PREX1: variants seen among roughly 807,000 people sequenced by gnomAD.
PREX1 encodes the protein phosphatidylinositol 3,4,5-trisphosphate-dependent Rac exchanger 1 protein.
A neutral mutation model predicts 198.3 loss-of-function variants in PREX1; 41 were observed. That is an observed-to-expected ratio of 0.21 (90% CI 0.16 to 0.27). The LOEUF is 0.27. Among genes scored for constraint, PREX1 ranks in the 10% least tolerant of loss-of-function variants. PREX1 has a pLI of 1.00. For missense variants in PREX1, 1,620 were observed against 2,200.7 expected, an observed-to-expected ratio of 0.74 and a Z score of 5.28; for synonymous variants, 843 against 887.2, an observed-to-expected ratio of 0.95 and a Z score of 0.89.
intron 25 of PREX1, among the ~76,000 whole-genome samples, chr20:48,647,517 C>T (rs1388181346): frequency 9.3e-6 from 1 of 107,222 alleles, no homozygotes; most frequent in African/African-American, 4.7e-5. Context: ...GAGACAACAT[C>T]TCAAAAAAAA....
intron 18 of PREX1, 75 bp downstream of exon 18, chr20:48,656,965 C>T: frequency 2.0e-6 from 3 of 1,501,380 alleles, no homozygotes; most frequent in Non-Finnish European, 2.7e-6. Context: ...CAGGACAGTT[C>T]ATGCCACCCC....
In PREX1 at chr20:48,681,325, C is replaced by A. The variant is rs753432044; in HGVS notation, c.1345G>T (p.Ala449Ser). ...ATTTCACCAATTTCTAGGAGCCAGG[C>A]AACGAACTCACTGCCAGGAACACAA... ...PKCFLGNEFV[A>S]WLLEIGEISK... Residue 449 changes from alanine (A) to serine (S), a missense_variant, in exon 11 of 40, where the codon GCC becomes TCC. Transcript: ENST00000371941. 13 of 1,614,080 alleles carry A rather than the reference C, an allele frequency of 8.1e-6. No individual in the cohort carries two copies. In the South Asian group the frequency reaches 1.3e-4, roughly 16 times the overall value.
rs1305834250 is a variant in PREX1 at position 48,684,455 on chromosome 20, AC to A, written c.1335-3121del. ...CCTCTCGTGCACACTAACACCCTGC[AC>A]CTGTGCGTACAGGTGGCCAAGACAC... is the stretch of plus-strand genomic sequence containing the variant. On this transcript the variant is annotated intron_variant, in intron 10 of 39. Transcript: ENST00000371941. This position sits in a 1 kb window ranked among gnomAD's most constrained non-coding sequence, Gnocchi z 4.2. Among the ~76,000 whole-genome samples the A allele has an allele frequency of 6.6e-6, 1 of 152,090 alleles. No individual in the cohort carries two copies. Among genetic ancestry groups the A allele is most frequent in the East Asian group, 1.9e-4 (1 of 5,170 alleles).
At chr20:48,795,277 T>G (rs2090356619) in intron 1 of PREX1, among the ~76,000 whole-genome samples, 1 of 152,142 alleles carries the variant, frequency 6.6e-6, no homozygotes, top group African/African-American at 2.4e-5. Flanking sequence ...CCTCTGAGCC[T>G]CCATTTCCTT....
intron 30 of PREX1, 25 bp from the exon 31 acceptor site, chr20:48,637,777 G>A: frequency 1.2e-6 from 2 of 1,607,126 alleles, no homozygotes; most frequent in Non-Finnish European, 1.7e-6. Context: ...GAGACAGAAA[G>A]GGGGACGGGC....
rs766939349 is a variant in PREX1 at position 48,708,319 on chromosome 20, G to T, written c.724C>A (p.Arg242=). The change falls in exon 6 of 40, where the codon CGG becomes AGG. Residue 242 remains arginine, a synonymous_variant. Transcript: ENST00000371941. The part of the protein sequence containing the change: ...TVCSNINETK[R]QMEKLEALEQ... Reference sequence around the variant, plus strand: ...AGGGCTTCCAGCTTCTCCATCTGCCGCTTGGTCTCATTGATGTTGGAGCAA... The same window carrying T: ...AGGGCTTCCAGCTTCTCCATCTGCCTCTTGGTCTCATTGATGTTGGAGCAA... 1 of 1,613,904 alleles carries T rather than the reference G, an allele frequency of 6.2e-7. No individual in the cohort carries two copies. The highest frequency in any genetic ancestry group is 8.5e-7 in the Non-Finnish European group (1 of 1,180,032).
chr20:48,717,183 G>C (rs2089965752), intron 5 of PREX1, among the ~76,000 whole-genome samples: 1 of 152,084 alleles, frequency 6.6e-6, no homozygotes, highest in South Asian at 2.1e-4. Context: ...CTGTGACTTG[G>C]GGTTGGTGGG....
intron 1 of PREX1, among the ~76,000 whole-genome samples, chr20:48,793,021 A>G (rs1284832728): frequency 2.0e-5 from 3 of 152,136 alleles, no homozygotes; most frequent in Admixed American, 1.3e-4. Flanking sequence ...CCTGGCCAAC[A>G]TTGCGATACC....
chr20:48,741,951 G>A (rs1465301055), intron 3 of PREX1, among the ~76,000 whole-genome samples: 1 of 152,212 alleles, frequency 6.6e-6, no homozygotes, highest in Non-Finnish European at 1.5e-5. Context: ...GGGCTGTGGG[G>A]ATTTTATTCC....
At chr20:48,806,925 G>C (rs866638200) in intron 1 of PREX1, among the ~76,000 whole-genome samples, 1 of 152,156 alleles carries the variant, frequency 6.6e-6, no homozygotes. Flanking sequence ...AGCAGGAATG[G>C]CTTCTCAGAA....
Position 48,650,020 on chromosome 20 carries a change from G to C in PREX1, c.3004C>G (p.Leu1002Val). Reference protein sequence around the residue: ...FSIRFGRKPSLIGLDPEQGHL... With the variant: ...FSIRFGRKPSVIGLDPEQGHL... Reference sequence around the variant, plus strand: ...CCTTGCTCCGGGTCAAGGCCGATGAGGGAGGGTTTGCGTCCAAAGCGGATG... The same window carrying C: ...CCTTGCTCCGGGTCAAGGCCGATGACGGAGGGTTTGCGTCCAAAGCGGATG... Residue 1002 changes from leucine to valine, a missense_variant, in exon 24 of 40, where the codon CTC (leucine) becomes GTC (valine). Coordinates refer to ENST00000371941, the MANE Select transcript of PREX1 (RefSeq NM_020820.4). 4 of 1,614,204 alleles carry C rather than the reference G, an allele frequency of 2.5e-6. No individual in the cohort carries two copies. Among genetic ancestry groups the C allele is most frequent in the Non-Finnish European group, 1.7e-6 (2 of 1,180,042 alleles).
At chr20:48,687,289 C>T (rs752147828) in intron 10 of PREX1, among the ~76,000 whole-genome samples, 2 of 152,268 alleles carry the variant, frequency 1.3e-5, no homozygotes, top group Non-Finnish European at 2.9e-5. Context: ...CCGTCCACAA[C>T]TGCACTCGTG....
At chr20:48,769,315 C>T (rs573184875) in intron 1 of PREX1, among the ~76,000 whole-genome samples, 6 of 152,222 alleles carry the variant, frequency 3.9e-5, no homozygotes, top group African/African-American at 7.2e-5. Flanking sequence ...TTGAATGAGA[C>T]GTGCCTTGAA....
intron 1 of PREX1, among the ~76,000 whole-genome samples, chr20:48,781,188 T>C (rs774806297): frequency 1.8e-4 from 27 of 152,090 alleles, no homozygotes; most frequent in Non-Finnish European, 2.9e-4. Context: ...AAAAAGAACG[T>C]TTGTAGGGAA....
At chr20:48,630,403 T>C (rs549664450) in intron 36 of PREX1, among the ~76,000 whole-genome samples, 20 of 152,328 alleles carry the variant, frequency 1.3e-4, no homozygotes, top group Admixed American at 1.3e-3. Context: ...ACAGCAAATT[T>C]GAAACACATA....
chr20:48,845,108 T>C, the PREX1 span, among the ~76,000 whole-genome samples: 5 of 152,258 alleles, frequency 3.3e-5, no homozygotes, highest in Non-Finnish European at 5.9e-5. Context: ...CTTTATTCAT[T>C]CATGTAACGA....
At chr20:48,726,831 A>G (rs2090012799) in intron 4 of PREX1, among the ~76,000 whole-genome samples, 1 of 152,214 alleles carries the variant, frequency 6.6e-6, no homozygotes, top group Non-Finnish European at 1.5e-5. Context: ...GACGCGACCT[A>G]AATATCCATC....
Position 48,627,980 on chromosome 20 carries a change from A to G in PREX1, c.4767-17T>C. On this transcript the variant is annotated splice_polypyrimidine_tract_variant and intron_variant, in intron 37 of 39. Coordinates refer to ENST00000371941, the MANE Select transcript of PREX1 (RefSeq NM_020820.4). ...AGGGTGCTCCTGCAGCAGGGGAGGG[A>G]GGACAGCGGGTTGGCGGTGGGGGGA... The G allele has an allele frequency of 4.0e-6, 5 of 1,256,210 alleles. No homozygotes were observed. The highest frequency in any genetic ancestry group is 5.5e-6 in the Non-Finnish European group (5 of 903,998). The allele number at this position is 1,256,210 out of a possible 1,614,324, so 77.8% of individuals were successfully genotyped here.
intron 2 of PREX1, 88 bp from the exon 3 acceptor site, chr20:48,745,235 G>A: frequency 7.1e-7 from 1 of 1,406,722 alleles, no homozygotes; most frequent in Non-Finnish European, 9.6e-7. Flanking sequence ...CCTCGGTGCG[G>A]GTGACATTGT....
Sources: gnomAD v4.1 joint callset for allele counts (sites outside exome capture counted in the v4.1 genomes callset) on GRCh38, gnomAD v4.1.1 for gene constraint, Gnocchi (gnomAD v3.1) non-coding constraint, MANE v1.5 for transcripts, NCBI Gene and HGNC (gene_info 2026-07-23, HGNC 2026-07-21) for gene names.